ALKAL2: variants seen among roughly 807,000 people sequenced by gnomAD.
ALKAL2 encodes ALK and LTK ligand 2, also known as AUG-alpha.
In ALKAL2, 8 loss-of-function variants were observed where a neutral mutation model predicts 18.5. The observed-to-expected ratio is 0.43, with a 90% CI of 0.25 to 0.78. The LOEUF (loss-of-function observed/expected upper bound fraction) is 0.78. Among genes scored for constraint, ALKAL2 ranks in the 30% least tolerant of loss-of-function variants. The probability of loss-of-function intolerance (pLI) is 0.22; values close to 1 mark genes in which losing one functional copy is unlikely to be tolerated. For synonymous variants in ALKAL2, 135 were observed against 95.8 expected, an observed-to-expected ratio of 1.41 and a Z score of -2.39; for missense variants, 241 against 211.2, an observed-to-expected ratio of 1.14 and a Z score of -0.88.
intron 5 of ALKAL2, among the ~76,000 whole-genome samples, chr2:282,045 C>T (rs187965846): frequency 5.3e-5 from 8 of 152,290 alleles, no homozygotes; most frequent in East Asian, 1.9e-4. Context: ...AGTCTCAACC[C>T]GCCATTACCC....
intron 5 of ALKAL2, 86 bp downstream of exon 5, chr2:283,025 G>T: frequency 7.4e-7 from 1 of 1,349,736 alleles, no homozygotes; most frequent in Non-Finnish European, 1.0e-6. Context: ...AAGAATGAGT[G>T]TTCCTAAACT....
chr2:280,894 C>T (rs1670318447), intron 5 of ALKAL2, among the ~76,000 whole-genome samples: 1 of 152,250 alleles, frequency 6.6e-6, no homozygotes, highest in African/African-American at 2.4e-5. Context: ...GGCTCTGGGC[C>T]TTTCTTTACA....
intron 4 of ALKAL2, chr2:283,571 G>A: frequency 1.0e-6 from 1 of 985,386 alleles, no homozygotes; most frequent in Non-Finnish European, 1.2e-6. Flanking sequence ...TTGACCATGG[G>A]ACAAAGCCTT....
intron 4 of ALKAL2, chr2:283,703 T>A (rs1670423644): frequency 2.1e-6 from 1 of 479,800 alleles, no homozygotes; most frequent in Admixed American, 6.4e-5. Flanking sequence ...CTTGGTATCG[T>A]ACACAGTCTC....
In ALKAL2 at chr2:280,024, G is replaced by C; in HGVS notation, c.*123C>G. The stretch of plus-strand genomic sequence containing the variant: ...TACAAAACTCAAAGGACTTATGGAA[G>C]AGTCTGTCTGCAAAAATAAATCTCT... On this transcript the variant is annotated 3_prime_UTR_variant, in exon 6 of 6. Coordinates refer to ENST00000403610, the MANE Select transcript of ALKAL2 (RefSeq NM_001002919.3). The C allele has an allele frequency of 1.9e-6, 2 of 1,071,804 alleles. No individual in the cohort carries two copies. Among genetic ancestry groups the C allele is most frequent in the South Asian group, 2.6e-5 (2 of 78,102 alleles). The allele number at this position is 1,071,804 out of a possible 1,614,324, so 66.4% of individuals were successfully genotyped here.
At chr2:280,751 T>C (rs533020846) in intron 5 of ALKAL2, among the ~76,000 whole-genome samples, 3 of 152,266 alleles carry the variant, frequency 2.0e-5, no homozygotes, top group African/African-American at 7.2e-5. Context: ...TCTGTGACTG[T>C]TAGGGAGGGT....
chr2:281,024 C>G (rs1670323537), intron 5 of ALKAL2, among the ~76,000 whole-genome samples: 1 of 152,228 alleles, frequency 6.6e-6, no homozygotes, highest in African/African-American at 2.4e-5. Context: ...CACACCGTCA[C>G]ACGAGTGTGG....
In ALKAL2 at chr2:283,245, A is replaced by C. The variant is rs115537850; in HGVS notation, c.389-70T>G. 4,207 of 1,551,850 alleles carry C rather than the reference A, an allele frequency of 2.7e-3. 7 individuals carry two copies. The highest frequency in any genetic ancestry group is 3.1e-3 in the Non-Finnish European group (3,569 of 1,147,366). ...AAATAAATCGCATTTTTTTGCAAGT[A>C]TATCAGCTACTAAAGCCATTTATTT... is the stretch of plus-strand genomic sequence containing the variant. On this transcript the variant is annotated intron_variant, in intron 4 of 5. Coordinates refer to ENST00000403610, the MANE Select transcript of ALKAL2 (RefSeq NM_001002919.3).
chr2:286,274 C>T lies in ALKAL2; in HGVS notation c.307+16G>A, dbSNP rs762587460. Reference sequence around the variant, plus strand: ...AAGGAGCTCTGGGAGACGTGAGGAACGAGGAGAAAACTTACCTGTAAGGTG... The same window carrying T: ...AAGGAGCTCTGGGAGACGTGAGGAATGAGGAGAAAACTTACCTGTAAGGTG... On this transcript the variant is annotated intron_variant, in intron 3 of 5. Coordinates refer to ENST00000403610, the MANE Select transcript of ALKAL2 (RefSeq NM_001002919.3). 1.9e-6 allele frequency: 3 copies of T among 1,611,474 alleles called. No homozygotes were observed. The highest frequency in any genetic ancestry group is 1.3e-5 in the African/African-American group (1 of 74,762).
intron 5 of ALKAL2, 44 bp downstream of exon 5, chr2:283,067 C>G: frequency 6.4e-7 from 1 of 1,564,990 alleles, no homozygotes; most frequent in East Asian, 2.3e-5. Context: ...AAGCGGGATT[C>G]CCATCTTTGG....
intron 5 of ALKAL2, among the ~76,000 whole-genome samples, chr2:281,975 A>G (rs1221239702): frequency 2.0e-5 from 3 of 152,146 alleles, no homozygotes; most frequent in African/African-American, 7.2e-5. Flanking sequence ...CCCAGCTTTG[A>G]CTGACATTGA....
Position 287,611 on chromosome 2 carries a change from C to T in ALKAL2, c.225G>A (p.Gly75=), listed in dbSNP as rs1176489254. 3.4e-6 allele frequency: 5 copies of T among 1,476,708 alleles called. No homozygotes were observed. The highest frequency in any genetic ancestry group is 2.4e-5 in the Admixed American group (1 of 42,252). The allele number at this position is 1,476,708 out of a possible 1,614,324, so 91.5% of individuals were successfully genotyped here. A position where few individuals can be genotyped will look rare whatever the true frequency, so the allele number is the denominator to read the frequency against. The stretch of plus-strand genomic sequence containing the variant: ...CTCGCTGCTCCGGCGAAGGCCCCAG[C>T]CCCGCCGCCTCCGCGCGGCCCAGGG... ...DCALGRAEAA[G]LGPSPEQRVE... The change falls in exon 2 of 6, where the codon GGG becomes GGA. Residue 75 remains glycine (G), a synonymous_variant. Coordinates refer to ENST00000403610, the MANE Select transcript of ALKAL2 (RefSeq NM_001002919.3).
rs1453750120 is a variant in ALKAL2 at position 287,675 on chromosome 2, G to C, written c.161C>G (p.Ala54Gly). 6.7e-7 allele frequency: 1 copy of C among 1,482,984 alleles called. No homozygotes were observed. Among genetic ancestry groups the C allele is most frequent in the African/African-American group, 1.5e-5 (1 of 68,584 alleles). 91.9% of individuals were successfully genotyped at this position (1,482,984 alleles called of 1,614,324 possible). ...GAGGAGCTGCAGGCCCTTGTGCTCC[G>C]CCGAGTGGTGCTTCCGCAGCTCCTG... ...LVQELRKHHS[A>G]EHKGLQLLGR... Residue 54 changes from alanine (A) to glycine (G), a missense_variant, in exon 2 of 6, where the codon GCG (alanine) becomes GGG (glycine). Physicochemically the swap from Ala to Gly is moderately conservative, Grantham distance 60. Transcript: ENST00000403610.
chr2:286,052 G>A (rs1670498014), intron 4 of ALKAL2, 71 bp downstream of exon 4: 1 of 1,368,376 alleles, frequency 7.3e-7, no homozygotes, highest in Non-Finnish European at 1.0e-6. Context: ...GCCTATATGA[G>A]GAAATGGAAA....
chr2:283,162 G>A lies in ALKAL2; in HGVS notation c.402C>T (p.Cys134=), dbSNP rs186490180. The change falls in exon 5 of 6, where the codon TGC becomes TGT. Residue 134 remains cysteine, a synonymous_variant. Transcript: ENST00000403610. ...CAGCCAGCCGGGTAAGAAGCCTGGC[G>A]CATCTTTTATAGTCTACGGTGAAAA... ...DCTIPAYYKR[C]ARLLTRLAVS... is the part of the protein sequence containing the mutation. 532 of 1,612,940 alleles carry A rather than the reference G, an allele frequency of 3.3e-4. 1 individual carries two copies. In the African/African-American group the frequency reaches 4.7e-3, roughly 14 times the overall value.
rs1670561886 is a variant in ALKAL2, at chr2:287,572, G to T, written c.253+11C>A. On this transcript the variant is annotated intron_variant, in intron 2 of 5. Transcript: ENST00000403610. ...CAGCCCCGGCCCTCGGGCGCGCTCGGCCCCACTCACCCACTCGCTGCTCCG... is the reference window on the plus strand; with the variant it reads ...CAGCCCCGGCCCTCGGGCGCGCTCGTCCCCACTCACCCACTCGCTGCTCCG... 2 of 1,412,348 alleles carry T rather than the reference G, an allele frequency of 1.4e-6. No homozygotes were observed. The highest frequency in any genetic ancestry group is 3.0e-5 in the African/African-American group (2 of 66,234). The allele number at this position is 1,412,348 out of a possible 1,614,324, so 87.5% of individuals were successfully genotyped here. A position where few individuals can be genotyped will look rare whatever the true frequency, so the allele number is the denominator to read the frequency against.
intron 5 of ALKAL2, 27 bp from the exon 6 acceptor site, chr2:280,179 A>G (rs1431817913): frequency 6.2e-7 from 1 of 1,613,764 alleles, no homozygotes; most frequent in Non-Finnish European, 8.5e-7. Context: ...TGCGTGTGAT[A>G]TGACTATCCA....
At chr2:283,084 C>T in intron 5 of ALKAL2, 27 bp downstream of exon 5, 4 of 1,598,526 alleles carry the variant, frequency 2.5e-6, no homozygotes. Flanking sequence ...TTGGTATGTG[C>T]TCCAGTGTGT....
In ALKAL2 at chr2:287,808, G is replaced by A; in HGVS notation, c.28C>T (p.Leu10=). The A allele has an allele frequency of 7.5e-7, 1 of 1,328,172 alleles. No homozygotes were observed. The highest frequency in any genetic ancestry group is 9.5e-7 in the Non-Finnish European group (1 of 1,047,208). 82.3% of individuals were successfully genotyped at this position (1,328,172 alleles called of 1,614,324 possible). Reference sequence around the variant, plus strand: ...GCCCCCAGCACCAGCAGCAGCCCCAGGAGGAGGGGGTGCCCGGGTCCGCGC... The same window carrying A: ...GCCCCCAGCACCAGCAGCAGCCCCAAGAGGAGGGGGTGCCCGGGTCCGCGC... The part of the protein sequence containing the change: MRGPGHPLL[L]GLLLVLGAAG... Residue 10 remains leucine, a synonymous_variant, in exon 2 of 6, where the codon CTG becomes TTG. Transcript: ENST00000403610.
Sources: allele counts gnomAD v4.1 joint callset (sites outside exome capture counted in the v4.1 genomes callset), GRCh38; gene constraint gnomAD v4.1.1; transcripts MANE v1.5; gene names NCBI Gene and HGNC (gene_info 2026-07-23, HGNC 2026-07-21).